The following LRMDA variants were observed in gnomAD, a reference collection of about 807,000 sequenced individuals.
LRMDA encodes the protein leucine rich melanocyte differentiation associated, also known as leucine-rich melanocyte differentiation-associated protein.
LRMDA carries 18 observed loss-of-function variants against 29.8 expected under a neutral mutation model. The observed-to-expected ratio is 0.60, with a 90% CI of 0.42 to 0.90. The LOEUF is 0.90. LRMDA is among the 40% of genes least tolerant of loss of function. The pLI is 0.00. For synonymous variants in LRMDA, 125 were observed against 109.4 expected (o/e 1.14, Z -0.89); for missense variants, 273 against 273.9 (o/e 1.00, Z 0.02).
At chr10:76,239,647 C>G (rs1393818182) in intron 5 of LRMDA, among the ~76,000 whole-genome samples, 3 of 151,916 alleles carry the variant, frequency 2.0e-5, no homozygotes, top group Non-Finnish European at 4.4e-5. Context: ...AATGAGTTAT[C>G]CTGGGCAATG....
intron 6 of LRMDA, among the ~76,000 whole-genome samples, chr10:76,332,265 A>G (rs910893924): frequency 1.3e-5 from 2 of 152,240 alleles, no homozygotes; most frequent in Non-Finnish European, 2.9e-5. Flanking sequence ...CTGTTAGACT[A>G]TTACCAAGAC....
chr10:76,365,328 T>C (rs1235273762), intron 6 of LRMDA, among the ~76,000 whole-genome samples: 1 of 151,914 alleles, frequency 6.6e-6, no homozygotes, highest in Non-Finnish European at 1.5e-5. Flanking sequence ...CTCCACACTG[T>C]TTTTCATAGT....
At chr10:76,089,767 G>A (rs1849199795) in intron 5 of LRMDA, among the ~76,000 whole-genome samples, 1 of 152,140 alleles carries the variant, frequency 6.6e-6, no homozygotes, top group South Asian at 2.1e-4. Context: ...AATAAGGGCA[G>A]TTAATGTTTA....
chr10:76,518,088 C>A (rs377082531), intron 6 of LRMDA, among the ~76,000 whole-genome samples: 2 of 151,634 alleles, frequency 1.3e-5, no homozygotes, highest in Non-Finnish European at 2.9e-5. Flanking sequence ...AGTGAACTAC[C>A]GACATTGTCC....
chr10:76,541,846 C>T (rs1392501430), intron 6 of LRMDA, among the ~76,000 whole-genome samples: 1 of 152,162 alleles, frequency 6.6e-6, no homozygotes, highest in African/African-American at 2.4e-5. Context: ...AAGCACTTCC[C>T]TGTCCTTACG....
intron 2 of LRMDA, among the ~76,000 whole-genome samples, chr10:75,741,942 C>T (rs1002156516): frequency 9.9e-5 from 15 of 152,068 alleles, no homozygotes; most frequent in South Asian, 2.1e-4. Context: ...AAAAGGAATC[C>T]GTGAGAGCGC....
At chr10:76,169,967 T>A (rs11001660) in intron 5 of LRMDA, among the ~76,000 whole-genome samples, 1 of 152,062 alleles carries the variant, frequency 6.6e-6, no homozygotes, top group African/African-American at 2.4e-5. Flanking sequence ...CCTTGGATGA[T>A]GGCCATTTCT....
At chr10:75,437,479 G>A (rs1844274996) in intron 1 of LRMDA, among the ~76,000 whole-genome samples, 1 of 152,184 alleles carries the variant, frequency 6.6e-6, no homozygotes, top group Non-Finnish European at 1.5e-5. Flanking sequence ...AGCATGCATT[G>A]TGGCCCACTG....
chr10:75,760,559 G>A (rs1391646243), intron 2 of LRMDA, among the ~76,000 whole-genome samples: 1 of 152,106 alleles, frequency 6.6e-6, no homozygotes, highest in Admixed American at 6.5e-5. Flanking sequence ...TCGAATAGTG[G>A]CAGAAGCAGG....
intron 2 of LRMDA, among the ~76,000 whole-genome samples, chr10:75,472,071 C>T (rs889840901): frequency 3.3e-5 from 5 of 152,126 alleles, no homozygotes. Flanking sequence ...CTCCCTAGTC[C>T]CAAATCCATT....
At chr10:76,010,601 T>C (rs1847762291) in intron 2 of LRMDA, among the ~76,000 whole-genome samples, 1 of 152,206 alleles carries the variant, frequency 6.6e-6, no homozygotes, top group Admixed American at 6.5e-5. Flanking sequence ...CGTGAGCCAC[T>C]GTGCCCAGGC....
chr10:76,121,493 G>A (rs960841939), intron 5 of LRMDA, among the ~76,000 whole-genome samples: 2 of 152,184 alleles, frequency 1.3e-5, no homozygotes, highest in African/African-American at 4.8e-5. Flanking sequence ...ATCAGATGGG[G>A]ACATGGCCCT....
chr10:76,504,185 C>T (rs1842938072), intron 6 of LRMDA, among the ~76,000 whole-genome samples: 1 of 151,712 alleles, frequency 6.6e-6, no homozygotes. Flanking sequence ...ATGGTGTGGT[C>T]CAAGAGTGTG....
At chr10:75,952,960 G>A (rs1232838930) in intron 2 of LRMDA, among the ~76,000 whole-genome samples, 1 of 151,660 alleles carries the variant, frequency 6.6e-6, no homozygotes, top group African/African-American at 2.4e-5. Flanking sequence ...TCACCATGTT[G>A]GCCAGGCTGG....
intron 2 of LRMDA, among the ~76,000 whole-genome samples, chr10:75,822,159 T>G (rs1354130025): frequency 6.6e-6 from 1 of 152,178 alleles, no homozygotes; most frequent in Non-Finnish European, 1.5e-5. Context: ...ACCAGTAGCA[T>G]TTCTGTACAC....
intron 6 of LRMDA, among the ~76,000 whole-genome samples, chr10:76,483,307 G>T (rs552180265): frequency 6.6e-5 from 10 of 151,976 alleles, no homozygotes; most frequent in Non-Finnish European, 1.2e-4. Flanking sequence ...AAACTCATTT[G>T]ATGGTAGTAT....
intron 6 of LRMDA, among the ~76,000 whole-genome samples, chr10:76,385,028 AAAAGGTGGTG>A (rs1291005147): frequency 6.6e-6 from 1 of 152,198 alleles, no homozygotes; most frequent in Non-Finnish European, 1.5e-5. Context: ...AGCTTATGGC[AAAAGGTGGTG>A]AAAGGCAAAA....
At chr10:75,525,165 C>T (rs923907863) in intron 2 of LRMDA, among the ~76,000 whole-genome samples, 1 of 152,236 alleles carries the variant, frequency 6.6e-6, no homozygotes, top group African/African-American at 2.4e-5. Flanking sequence ...ACAGCATCCT[C>T]ACTTGGATCC....
chr10:75,564,315 G>A (rs921650569), intron 2 of LRMDA, among the ~76,000 whole-genome samples: 1 of 152,198 alleles, frequency 6.6e-6, no homozygotes, highest in Non-Finnish European at 1.5e-5. Flanking sequence ...TCGAGACTCT[G>A]TGGGCATAGG....
Sources: allele counts gnomAD v4.1 joint callset (sites outside exome capture counted in the v4.1 genomes callset), GRCh38; gene constraint gnomAD v4.1.1; transcripts MANE v1.5; gene names NCBI Gene and HGNC (gene_info 2026-07-23, HGNC 2026-07-21).